Variants in DKK2 observed in about 807,000 individuals in gnomAD.
DKK2 encodes dickkopf Wnt signaling pathway inhibitor 2, also known as dickkopf-related protein 2.
In DKK2, 11 loss-of-function variants were observed where a neutral mutation model predicts 28.1. That is an observed-to-expected ratio of 0.39 (90% CI 0.25 to 0.65). The LOEUF is 0.65. DKK2 is among the 30% of genes least tolerant of loss of function. The probability of loss-of-function intolerance (pLI) is 0.47; values close to 1 mark genes in which losing one functional copy is unlikely to be tolerated. For missense variants in DKK2, 326 were observed against 335.5 expected (o/e 0.97, Z 0.22); for synonymous variants, 135 against 126.5 (o/e 1.07, Z -0.45).
At chr4:107,034,657 G>T (rs1723934423) in intron 1 of DKK2, among the ~76,000 whole-genome samples, 1 of 152,112 alleles carries the variant, frequency 6.6e-6, no homozygotes, top group African/African-American at 2.4e-5. Context: ...CTTCCTTCCG[G>T]GTGATTTATG....
At chr4:106,943,048 C>T (rs1724724993) in intron 1 of DKK2, among the ~76,000 whole-genome samples, 2 of 152,134 alleles carry the variant, frequency 1.3e-5, no homozygotes, top group African/African-American at 4.8e-5. Flanking sequence ...CAAAGTTTCC[C>T]TCTGCCAAGA....
chr4:106,924,168 C>G lies in DKK2; in HGVS notation c.566G>C (p.Cys189Ser), dbSNP rs772632334. The change falls in exon 4 of 4, where the codon TGC becomes TCC. Residue 189 changes from cysteine to serine, a missense_variant. Physicochemically the swap from Cys to Ser is moderately radical, Grantham distance 112. Transcript: ENST00000285311. ...ACGAGCACAGCAAAACCCTTCAATG[C>G]AGTCTGATGATCGTAGGCAGGGGTC... ...EGDPCLRSSD[C>S]IEGFCCARHF... The G allele has an allele frequency of 1.2e-6, 2 of 1,613,782 alleles. No individual in the cohort carries two copies.
At chr4:106,953,143 C>T (rs1414783266) in intron 1 of DKK2, among the ~76,000 whole-genome samples, 1 of 152,018 alleles carries the variant, frequency 6.6e-6, no homozygotes, top group East Asian at 1.9e-4. Flanking sequence ...GTGGTATTCC[C>T]ATTTGTGTTT....
chr4:106,991,308 A>T (rs1189019164), intron 1 of DKK2, among the ~76,000 whole-genome samples: 1 of 152,012 alleles, frequency 6.6e-6, no homozygotes, highest in Admixed American at 6.6e-5. Context: ...AATCCTTCAG[A>T]TTCTTTCTTT....
At chr4:106,998,330 G>A (rs1723304919) in intron 1 of DKK2, among the ~76,000 whole-genome samples, 2 of 152,204 alleles carry the variant, frequency 1.3e-5, no homozygotes, top group South Asian at 4.1e-4. Flanking sequence ...TTTTCTTCTA[G>A]AAGAAGTATA....
intron 1 of DKK2, among the ~76,000 whole-genome samples, chr4:106,939,641 G>A (rs896429616): frequency 3.3e-5 from 5 of 152,106 alleles, no homozygotes; most frequent in African/African-American, 4.8e-5. Flanking sequence ...AAAAGAGCCC[G>A]CATCGCCAAG....
chr4:106,937,986 T>G (rs1385709406), intron 1 of DKK2, among the ~76,000 whole-genome samples: 2 of 142,014 alleles, frequency 1.4e-5, no homozygotes. Flanking sequence ...GAGGGAAATT[T>G]ATAGCACTAA....
chr4:107,033,243 A>G (rs1178604175), intron 1 of DKK2, among the ~76,000 whole-genome samples: 1 of 152,190 alleles, frequency 6.6e-6, no homozygotes, highest in Non-Finnish European at 1.5e-5. Flanking sequence ...CTAGGATTCC[A>G]GTTAAGTAAA....
chr4:106,985,675 G>A (rs1456414907), intron 1 of DKK2, among the ~76,000 whole-genome samples: 2 of 151,830 alleles, frequency 1.3e-5, no homozygotes, highest in South Asian at 2.1e-4. Flanking sequence ...CCGGCATGGT[G>A]GCGGGCGCCT....
intron 1 of DKK2, among the ~76,000 whole-genome samples, chr4:106,970,328 A>C (rs1008279594): frequency 6.6e-6 from 1 of 152,106 alleles, no homozygotes; most frequent in East Asian, 1.9e-4. Flanking sequence ...GCAATAGTGG[A>C]TCTGGAAGAG....
chr4:106,949,230 CTTCT>C (rs1724823788), intron 1 of DKK2, among the ~76,000 whole-genome samples: 1 of 152,140 alleles, frequency 6.6e-6, no homozygotes, highest in Non-Finnish European at 1.5e-5. Flanking sequence ...ATACTTTAAT[CTTCT>C]TTCTTCCTTT....
At chr4:106,982,906 G>A (rs1197260157) in intron 1 of DKK2, among the ~76,000 whole-genome samples, 6 of 148,044 alleles carry the variant, frequency 4.1e-5, no homozygotes, top group African/African-American at 1.2e-4. Context: ...AAGCATAGTC[G>A]CCTTCTATAC....
chr4:106,988,173 C>T lies in DKK2; in HGVS notation c.222+47197G>A, dbSNP rs76486442. On this transcript the variant is annotated intron_variant, in intron 1 of 3. Coordinates refer to ENST00000285311, the MANE Select transcript of DKK2 (RefSeq NM_014421.3). ...GCCACCGCACCCGGCCCAATGTTAC[C>T]CTCTTCTTGCAGATGAGGAAACTGA... Among the ~76,000 whole-genome samples, 376 of 152,224 alleles carry T rather than the reference C, an allele frequency of 2.5e-3. 4 individuals carry two copies. The highest frequency in any genetic ancestry group is 8.6e-3 in the African/African-American group (358 of 41,526).
At position 106,962,916 on chromosome 4, in the gene DKK2, AT is replaced by A. The variant is rs369380098; in HGVS notation, c.223-36968del. On this transcript the variant is annotated intron_variant, in intron 1 of 3. Transcript: ENST00000285311. ...ACTCAAACAACTCAATAGAAAAAAA[AT>A]AAAATAAAATAATTGGATTTAAAAA... Among the ~76,000 whole-genome samples the A allele has an allele frequency of 4.7e-4, 71 of 152,152 alleles. 2 individuals are homozygous for A. In the East Asian group the frequency reaches 0.013, roughly 29 times the overall value.
intron 1 of DKK2, among the ~76,000 whole-genome samples, chr4:106,969,683 C>T (rs1240946036): frequency 6.6e-6 from 1 of 151,834 alleles, no homozygotes; most frequent in Non-Finnish European, 1.5e-5. Context: ...GAGAAATATG[C>T]TACTGCTTTC....
At chr4:106,937,890 G>A (rs991256132) in intron 1 of DKK2, among the ~76,000 whole-genome samples, 8 of 151,854 alleles carry the variant, frequency 5.3e-5, no homozygotes, top group Non-Finnish European at 7.4e-5. Context: ...ATGAAATGAA[G>A]GCAGAAATAA....
intron 1 of DKK2, among the ~76,000 whole-genome samples, chr4:106,968,670 T>C (rs1460327871): frequency 1.3e-5 from 2 of 152,294 alleles, no homozygotes; most frequent in East Asian, 3.9e-4. Flanking sequence ...ATTTTATTTA[T>C]GCATAAAATG....
In DKK2 at chr4:106,981,039, T is replaced by C. The variant is rs75868012; in HGVS notation, c.222+54331A>G. On this transcript the variant is annotated intron_variant, in intron 1 of 3. Coordinates refer to ENST00000285311, the MANE Select transcript of DKK2 (RefSeq NM_014421.3). ...TACTACTGCTGCCCAAATGAAAAAG[T>C]AACTGGAATTTGCTGATAATTTTGC... Among the ~76,000 whole-genome samples, 525 of 152,250 alleles carry C rather than the reference T, an allele frequency of 3.4e-3. 3 individuals carry two copies. Among genetic ancestry groups the C allele is most frequent in the African/African-American group, 0.012 (511 of 41,554 alleles).
At chr4:106,985,892 G>T (rs1265010714) in intron 1 of DKK2, among the ~76,000 whole-genome samples, 1 of 151,368 alleles carries the variant, frequency 6.6e-6, no homozygotes, top group Non-Finnish European at 1.5e-5. Context: ...GAAGAAAGGA[G>T]GGAGGAAAGA....
Sources: gnomAD v4.1 joint callset for allele counts (sites outside exome capture counted in the v4.1 genomes callset) on GRCh38, gnomAD v4.1.1 for gene constraint, MANE v1.5 for transcripts, NCBI Gene and HGNC (gene_info 2026-07-23, HGNC 2026-07-21) for gene names.